NEK6: variants seen among roughly 807,000 people sequenced by gnomAD.
NEK6 encodes the protein serine/threonine-protein kinase Nek6.
NEK6 carries 27 observed loss-of-function variants against 43.5 expected under a neutral mutation model. That is an observed-to-expected ratio of 0.62 (90% CI 0.46 to 0.86). NEK6 has a LOEUF of 0.86. NEK6 is among the 40% of genes least tolerant of loss of function. The pLI is 0.00. For missense variants in NEK6, 318 were observed against 414.4 expected, an observed-to-expected ratio of 0.77 and a Z score of 2.02; for synonymous variants, 167 against 164.1, an observed-to-expected ratio of 1.02 and a Z score of -0.14.
intron 6 of NEK6, among the ~76,000 whole-genome samples, chr9:124,327,105 ACC>A (rs1834377923): frequency 6.6e-6 from 1 of 152,110 alleles, no homozygotes; most frequent in Non-Finnish European, 1.5e-5. Context: ...TGCTGTCTTA[ACC>A]CTCACAGCAG....
chr9:124,339,317 G>A (rs753008979), intron 7 of NEK6, among the ~76,000 whole-genome samples: 15 of 152,082 alleles, frequency 9.9e-5, no homozygotes, highest in East Asian at 3.9e-4. Flanking sequence ...TCTTGGTCTC[G>A]GTGGGTCCAG....
intron 1 of NEK6, among the ~76,000 whole-genome samples, chr9:124,282,168 C>T (rs980832222): frequency 2.0e-5 from 3 of 152,232 alleles, no homozygotes; most frequent in African/African-American, 7.2e-5. Context: ...TGAAATCAGG[C>T]TGGTGGTAGG....
At chr9:124,270,312 C>T (rs1462526587) in intron 1 of NEK6, among the ~76,000 whole-genome samples, 1 of 152,124 alleles carries the variant, frequency 6.6e-6, no homozygotes, top group Non-Finnish European at 1.5e-5. Context: ...ACCTGCAGGG[C>T]GGGGGCTGAG....
intron 7 of NEK6, among the ~76,000 whole-genome samples, chr9:124,332,156 C>T (rs1327850863): frequency 2.0e-5 from 3 of 152,238 alleles, no homozygotes; most frequent in Non-Finnish European, 4.4e-5. Context: ...GATGTAAACT[C>T]CAGCTCTTTG....
rs762339067 is a variant in NEK6, at chr9:124,327,450, G to A, written c.622+5G>A. The A allele has an allele frequency of 6.2e-7, 1 of 1,609,754 alleles. No individual in the cohort carries two copies. The highest frequency in any genetic ancestry group is 8.5e-7 in the Non-Finnish European group (1 of 1,177,874). On this transcript the variant is annotated splice_donor_5th_base_variant and intron_variant, in intron 7 of 9. Coordinates refer to ENST00000320246, the MANE Select transcript of NEK6 (RefSeq NM_014397.6). ...CCACCGCAGCCCACTCCCTAGGTAAGGGGGACCTGTCTGTGCCCCAGCAGC... is the reference window on the plus strand; with the variant it reads ...CCACCGCAGCCCACTCCCTAGGTAAAGGGGACCTGTCTGTGCCCCAGCAGC...
At chr9:124,269,836 G>A (rs1350349966) in intron 1 of NEK6, among the ~76,000 whole-genome samples, 1 of 152,092 alleles carries the variant, frequency 6.6e-6, no homozygotes, top group Non-Finnish European at 1.5e-5. Context: ...GGAGTTTACT[G>A]CAGACTGTCC....
chr9:124,317,829 C>T (rs116752408), intron 4 of NEK6, among the ~76,000 whole-genome samples: 4,039 of 152,290 alleles, frequency 0.027, 177 homozygotes, highest in African/African-American at 0.091. Flanking sequence ...CTGCTGCATC[C>T]GTGTTGCTGC....
At chr9:124,292,906 TG>T in intron 1 of NEK6, 1 of 1,495,854 alleles carries the variant, frequency 6.7e-7, no homozygotes, top group African/African-American at 1.4e-5. Flanking sequence ...GAGCTGGGAG[TG>T]ACGGGGTGAG....
intron 1 of NEK6, among the ~76,000 whole-genome samples, chr9:124,285,197 C>T (rs965117154): frequency 1.3e-5 from 2 of 152,218 alleles, no homozygotes; most frequent in Non-Finnish European, 2.9e-5. Context: ...GCTTGGTGAC[C>T]GCTCAAGCCT....
intron 1 of NEK6, among the ~76,000 whole-genome samples, chr9:124,265,187 G>A (rs1485829139): frequency 1.3e-5 from 2 of 152,306 alleles, no homozygotes; most frequent in Non-Finnish European, 2.9e-5. Context: ...CCATCCAGCG[G>A]TTTGCTTTAA....
intron 1 of NEK6, among the ~76,000 whole-genome samples, chr9:124,283,401 G>A (rs566568511): frequency 3.9e-5 from 6 of 152,382 alleles, no homozygotes; most frequent in South Asian, 4.1e-4. Context: ...TGAGACGACC[G>A]GGCAGGGGTG....
chr9:124,346,596 C>T (rs1038206088), intron 8 of NEK6, among the ~76,000 whole-genome samples: 21 of 152,132 alleles, frequency 1.4e-4, no homozygotes, highest in African/African-American at 4.3e-4. Flanking sequence ...GGGGGCGGTC[C>T]GGGAGGCAGG....
At chr9:124,334,087 C>T (rs2131002839) in intron 7 of NEK6, among the ~76,000 whole-genome samples, 1 of 152,292 alleles carries the variant, frequency 6.6e-6, no homozygotes, top group East Asian at 1.9e-4. Flanking sequence ...CAAGTCCATT[C>T]TTGATAGACA....
rs1342367804 is a variant in NEK6, at chr9:124,343,205, C to G, written c.717+3540C>G. Among the ~76,000 whole-genome samples the G allele has an allele frequency of 7.4e-6, 1 of 135,526 alleles. No individual in the cohort carries two copies. The highest frequency in any genetic ancestry group is 1.6e-5 in the Non-Finnish European group (1 of 63,756). 88.9% of individuals were successfully genotyped at this position (135,526 alleles called of 152,430 possible). On this transcript the variant is annotated intron_variant, in intron 8 of 9. Coordinates refer to ENST00000320246, the MANE Select transcript of NEK6 (RefSeq NM_014397.6). The surrounding 1 kb of genome is among the most constrained non-coding windows in gnomAD (Gnocchi z 5.1). ...GTGAGTGGGGCTGTGCGGCTCGCAG[C>G]TGGGGGGGCTGGACCACAGCCGGGG...
intron 8 of NEK6, 103 bp downstream of exon 8, chr9:124,339,768 A>T: frequency 1.2e-6 from 1 of 834,274 alleles, no homozygotes; most frequent in South Asian, 1.4e-5. Context: ...GAACCCAGGA[A>T]TGTCACGTCT....
chr9:124,302,721 ACCT>A (rs1337979894), intron 2 of NEK6, among the ~76,000 whole-genome samples: 2 of 151,872 alleles, frequency 1.3e-5, no homozygotes, highest in African/African-American at 4.8e-5. Flanking sequence ...CTCTGGGGAG[ACCT>A]CCACTTCCAC....
intron 1 of NEK6, chr9:124,261,485 A>T: frequency 1.0e-6 from 1 of 985,438 alleles, no homozygotes; most frequent in African/African-American, 1.7e-5. Flanking sequence ...TGAGGCTGGG[A>T]CACTGTTCGC....
chr9:124,310,272 A>C (rs1204640798), intron 2 of NEK6, among the ~76,000 whole-genome samples: 1 of 152,250 alleles, frequency 6.6e-6, no homozygotes, highest in Non-Finnish European at 1.5e-5. Context: ...GAGGACCCAA[A>C]GAGTGGGCGC....
At chr9:124,321,024 G>A (rs1834038201) in intron 4 of NEK6, among the ~76,000 whole-genome samples, 1 of 152,196 alleles carries the variant, frequency 6.6e-6, no homozygotes, top group Admixed American at 6.5e-5. Flanking sequence ...CTTCTGAGGA[G>A]CACCTGCAGG....
Sources: gnomAD v4.1 joint callset for allele counts (sites outside exome capture counted in the v4.1 genomes callset) on GRCh38, gnomAD v4.1.1 for gene constraint, Gnocchi (gnomAD v3.1) non-coding constraint, MANE v1.5 for transcripts, NCBI Gene and HGNC (gene_info 2026-07-23, HGNC 2026-07-21) for gene names.